Variants in GRIN2A observed in about 807,000 individuals in gnomAD.
GRIN2A encodes glutamate ionotropic receptor NMDA type subunit 2A, also known as glutamate receptor ionotropic, NMDA 2A.
A neutral mutation model predicts 113.4 loss-of-function variants in GRIN2A; 22 were observed. That is an observed-to-expected ratio of 0.19 (90% CI 0.14 to 0.28). GRIN2A has a LOEUF of 0.28. GRIN2A is among the 10% of genes least tolerant of loss of function. The pLI is 1.00. For missense variants in GRIN2A, 1,502 were observed against 1,887.0 expected (o/e 0.80, Z 3.78); for synonymous variants, 827 against 738.4 (o/e 1.12, Z -1.94).
intron 2 of GRIN2A, among the ~76,000 whole-genome samples, chr16:10,146,697 T>C (rs2049446952): frequency 2.0e-5 from 3 of 152,148 alleles, no homozygotes; most frequent in African/African-American, 7.2e-5. Context: ...AAGACAGGTG[T>C]TGGGAGGTGG....
intron 3 of GRIN2A, among the ~76,000 whole-genome samples, chr16:9,927,371 A>T (rs2044488237): frequency 6.6e-6 from 1 of 152,164 alleles, no homozygotes; most frequent in South Asian, 2.1e-4. Flanking sequence ...TGGGTACATG[A>T]CCTAATTTGG....
chr16:9,974,088 G>A (rs2045728542), intron 2 of GRIN2A, among the ~76,000 whole-genome samples: 1 of 152,146 alleles, frequency 6.6e-6, no homozygotes, highest in East Asian at 1.9e-4. Flanking sequence ...TCCTTACATT[G>A]CCTCTTAGGG....
chr16:9,984,198 T>A (rs568880165), intron 2 of GRIN2A, among the ~76,000 whole-genome samples: 3 of 151,024 alleles, frequency 2.0e-5, no homozygotes, highest in African/African-American at 7.3e-5. Context: ...TAAGAGATGT[T>A]TATTTAACTC....
At chr16:9,789,830 A>T (rs527978560) in intron 11 of GRIN2A, among the ~76,000 whole-genome samples, 1 of 152,224 alleles carries the variant, frequency 6.6e-6, no homozygotes, top group Admixed American at 6.5e-5. Flanking sequence ...GGGTGGAGCA[A>T]CGCAGCTTTA....
At chr16:10,110,445 G>T (rs2048590990) in intron 2 of GRIN2A, among the ~76,000 whole-genome samples, 1 of 152,180 alleles carries the variant, frequency 6.6e-6, no homozygotes, top group South Asian at 2.1e-4. Context: ...TTTTAATAAA[G>T]ATTTCTTAAC....
chr16:10,106,843 G>T (rs966425967), intron 2 of GRIN2A, among the ~76,000 whole-genome samples: 28 of 152,158 alleles, frequency 1.8e-4, no homozygotes, highest in African/African-American at 6.5e-4. Flanking sequence ...GAGAAGGAAG[G>T]CAGGGAAGCT....
At chr16:10,132,960 G>A (rs1260721645) in intron 2 of GRIN2A, among the ~76,000 whole-genome samples, 1 of 152,120 alleles carries the variant, frequency 6.6e-6, no homozygotes, top group African/African-American at 2.4e-5. Flanking sequence ...CCAGTTTGTA[G>A]AGTCTGCCCA....
At chr16:9,812,364 C>T (rs1596452578) in intron 10 of GRIN2A, among the ~76,000 whole-genome samples, 1 of 152,310 alleles carries the variant, frequency 6.6e-6, no homozygotes, top group East Asian at 1.9e-4. Context: ...TTAAGCCGGT[C>T]ACGGTAACTC....
chr16:9,830,317 T>C (rs1392681798), intron 8 of GRIN2A, among the ~76,000 whole-genome samples: 1 of 152,192 alleles, frequency 6.6e-6, no homozygotes, highest in African/African-American at 2.4e-5. Flanking sequence ...CTTTTTCCAG[T>C]ATATCCTCGC....
intron 2 of GRIN2A, among the ~76,000 whole-genome samples, chr16:9,997,219 G>A (rs375472141): frequency 2.4e-4 from 37 of 152,288 alleles, no homozygotes; most frequent in African/African-American, 8.4e-4. Context: ...CACTAGTGTT[G>A]GAGATGCTAT....
At chr16:10,105,231 C>T (rs2048474955) in intron 2 of GRIN2A, among the ~76,000 whole-genome samples, 1 of 152,126 alleles carries the variant, frequency 6.6e-6, no homozygotes, top group African/African-American at 2.4e-5. Flanking sequence ...CAATGCTGAC[C>T]ACGACCATTA....
rs1267766862 is a variant in GRIN2A at position 9,988,293 on chromosome 16, G to A, written c.415-49742C>T. The stretch of plus-strand genomic sequence containing the variant: ...GGTGTGTGTGTGTGTGCGTGTGTGT[G>A]TGTGTGTGTGTGTGTGACACAGAAA... On this transcript the variant is annotated intron_variant, in intron 2 of 12. Coordinates refer to ENST00000330684, the MANE Select transcript of GRIN2A (RefSeq NM_001134407.3). Among the ~76,000 whole-genome samples, 3 of 151,898 alleles carry A rather than the reference G, an allele frequency of 2.0e-5. No homozygotes were observed. In the East Asian group the frequency reaches 5.8e-4, roughly 29 times the overall value.
Position 9,782,692 on chromosome 16 carries a change from T to C in GRIN2A, c.2357-13603A>G, listed in dbSNP as rs180766291. Among the ~76,000 whole-genome samples the C allele has an allele frequency of 2.8e-3, 431 of 152,346 alleles. 2 individuals carry two copies. The highest frequency in any genetic ancestry group is 4.3e-3 in the Non-Finnish European group (292 of 68,026). ...TGTACTAATCCTGGTGTTGGATTGA[T>C]AACAGACACTAAGATTCTGAATCTC... is the stretch of plus-strand genomic sequence containing the variant. On this transcript the variant is annotated intron_variant, in intron 11 of 12. Transcript: ENST00000330684.
At chr16:9,773,558 A>C (rs193135640) in intron 11 of GRIN2A, among the ~76,000 whole-genome samples, 16 of 152,334 alleles carry the variant, frequency 1.1e-4, no homozygotes, top group African/African-American at 3.6e-4. Context: ...TCTTGGGAAC[A>C]GATGGAGCCT....
At chr16:9,788,588 C>T (rs933386836) in intron 11 of GRIN2A, among the ~76,000 whole-genome samples, 7 of 151,574 alleles carry the variant, frequency 4.6e-5, no homozygotes, top group African/African-American at 1.5e-4. Flanking sequence ...TTTATTATTA[C>T]CACCTCCTTC....
intron 2 of GRIN2A, among the ~76,000 whole-genome samples, chr16:10,089,373 T>C (rs1052486611): frequency 3.9e-5 from 6 of 152,196 alleles, no homozygotes; most frequent in African/African-American, 1.4e-4. Context: ...ATATGTGCAA[T>C]TTTTTGTATG....
At chr16:10,121,647 T>C (rs1014156391) in intron 2 of GRIN2A, 1 of 152,130 alleles carries the variant, frequency 6.6e-6, no homozygotes, top group African/African-American at 2.4e-5. Context: ...TGCAGCCACA[T>C]ATCATGAGTT....
intron 3 of GRIN2A, among the ~76,000 whole-genome samples, chr16:9,923,298 A>C (rs549346617): frequency 6.2e-4 from 95 of 152,270 alleles, no homozygotes; most frequent in African/African-American, 2.2e-3. Context: ...ATTAGTGTGT[A>C]CATATTTTTC....
intron 3 of GRIN2A, among the ~76,000 whole-genome samples, chr16:9,903,785 G>A (rs993865887): frequency 6.6e-6 from 1 of 152,124 alleles, no homozygotes; most frequent in Non-Finnish European, 1.5e-5. Flanking sequence ...AACCACTCAG[G>A]ACTAATTTTA....
Sources: allele counts gnomAD v4.1 joint callset (sites outside exome capture counted in the v4.1 genomes callset), GRCh38; gene constraint gnomAD v4.1.1; transcripts MANE v1.5; gene names NCBI Gene and HGNC (gene_info 2026-07-23, HGNC 2026-07-21).